DOCK1: variants seen among roughly 807,000 people sequenced by gnomAD.
DOCK1 encodes dedicator of cytokinesis protein 1.
DOCK1 carries 138 observed loss-of-function variants against 262.7 expected under a neutral mutation model. The ratio of observed to expected loss-of-function variants is 0.53; its 90% CI spans 0.46 to 0.61. The LOEUF is 0.61. Ranked by LOEUF, DOCK1 falls within the 20% of genes least tolerant of loss-of-function variation. The pLI is 0.00. For synonymous variants in DOCK1, 866 were observed against 867.4 expected (o/e 1.00, Z 0.03); for missense variants, 1,908 against 2,370.7 (o/e 0.80, Z 4.05).
intron 1 of DOCK1, among the ~76,000 whole-genome samples, chr10:126,916,739 C>CT: frequency 6.6e-6 from 1 of 151,396 alleles, no homozygotes. Context: ...TCCTTCCCTT[C>CT]TTTCTTCCTT....
chr10:127,421,169 T>G lies in DOCK1; in HGVS notation c.4776+1420T>G, dbSNP rs551364398. 2.0e-5 allele frequency among the ~76,000 whole-genome samples: 3 copies of G among 152,224 alleles called. No homozygotes were observed. The South Asian group carries it at 6.2e-4, about 32-fold the overall frequency. ...CCTGACCTCAGGTGATCCGCCCACC[T>G]TGGCCTAAGTGCTGGGATTACAGGC... On this transcript the variant is annotated intron_variant, in intron 46 of 51. Coordinates refer to ENST00000623213, the MANE Select transcript of DOCK1 (RefSeq NM_001290223.2).
chr10:127,038,393 A>G (rs1358290497), intron 19 of DOCK1, among the ~76,000 whole-genome samples: 2 of 152,242 alleles, frequency 1.3e-5, no homozygotes, highest in African/African-American at 4.8e-5. Context: ...GGTCCTCACT[A>G]CAGGACTCAC....
intron 27 of DOCK1, among the ~76,000 whole-genome samples, chr10:127,162,680 C>T (rs1185399216): frequency 1.1e-4 from 16 of 152,182 alleles, no homozygotes; most frequent in Non-Finnish European, 1.8e-4. Flanking sequence ...GGATAATTTT[C>T]AACAAGCCTA....
intron 47 of DOCK1, among the ~76,000 whole-genome samples, chr10:127,431,344 C>G (rs2069274073): frequency 6.6e-6 from 1 of 152,194 alleles, no homozygotes; most frequent in African/African-American, 2.4e-5. Context: ...AACCCATGGT[C>G]GCACCCAGGG....
intron 27 of DOCK1, among the ~76,000 whole-genome samples, chr10:127,216,980 T>G (rs1405708532): frequency 6.6e-6 from 1 of 152,138 alleles, no homozygotes; most frequent in Non-Finnish European, 1.5e-5. Context: ...CATCCTGCCT[T>G]GAGATCAGGG....
At chr10:127,029,340 C>T (rs933621861) in intron 16 of DOCK1, among the ~76,000 whole-genome samples, 2 of 152,224 alleles carry the variant, frequency 1.3e-5, no homozygotes, top group South Asian at 2.1e-4. Flanking sequence ...CATTGGTCCC[C>T]ACTTGCTACC....
At chr10:127,350,617 C>T (rs754022818) in intron 31 of DOCK1, among the ~76,000 whole-genome samples, 22 of 152,214 alleles carry the variant, frequency 1.4e-4, no homozygotes, top group South Asian at 4.1e-4. Context: ...TGTATCTATC[C>T]GTGTTTATCT....
intron 27 of DOCK1, among the ~76,000 whole-genome samples, chr10:127,131,980 T>G (rs1046811795): frequency 6.6e-6 from 1 of 152,222 alleles, no homozygotes; most frequent in Non-Finnish European, 1.5e-5. Flanking sequence ...ATTAATATAC[T>G]TTACTTAATG....
intron 51 of DOCK1, among the ~76,000 whole-genome samples, chr10:127,448,922 A>G (rs1301155531): frequency 6.6e-6 from 1 of 151,470 alleles, no homozygotes; most frequent in Non-Finnish European, 1.5e-5. Context: ...CCCTTATGAG[A>G]GGAGTGGAAG....
chr10:127,429,025 G>GTGTGGATTGGGGTACCA lies in DOCK1; in HGVS notation c.4914+3027_4914+3028insACCATGTGGATTGGGGT, dbSNP rs2069083827. ...GGGATGCCGTGTGGATTGGGGTGCC[G>GTGTGGATTGGGGTACCA]TGTGGATTGGGGTGTCATGTGGATT... On this transcript the variant is annotated intron_variant, in intron 47 of 51. Transcript: ENST00000623213. Among the ~76,000 whole-genome samples, 3 of 145,344 alleles carry GTGTGGATTGGGGTACCA rather than the reference G, an allele frequency of 2.1e-5. No individual in the cohort carries two copies. In the South Asian group the frequency reaches 6.6e-4, roughly 32 times the overall value.
chr10:127,064,932 C>T (rs189529465), intron 23 of DOCK1, among the ~76,000 whole-genome samples: 114 of 152,350 alleles, frequency 7.5e-4, no homozygotes, highest in Middle Eastern at 6.8e-3. Context: ...CACCGGTCCA[C>T]TTTCTGGGTC....
At chr10:127,267,745 A>G (rs1309492139) in intron 29 of DOCK1, among the ~76,000 whole-genome samples, 1 of 152,180 alleles carries the variant, frequency 6.6e-6, no homozygotes, top group African/African-American at 2.4e-5. Flanking sequence ...TGCATGAAAC[A>G]TCTCTCCGCA....
intron 27 of DOCK1, among the ~76,000 whole-genome samples, chr10:127,172,418 G>A (rs1589761530): frequency 6.6e-6 from 1 of 152,180 alleles, no homozygotes; most frequent in East Asian, 1.9e-4. Flanking sequence ...CTGGGACTCT[G>A]TGCTGTACCC....
At chr10:127,360,134 T>C (rs1002159205) in intron 32 of DOCK1, among the ~76,000 whole-genome samples, 2 of 152,200 alleles carry the variant, frequency 1.3e-5, no homozygotes, top group African/African-American at 4.8e-5. Context: ...GCCCCATTTT[T>C]AGAAAGGAGT....
chr10:126,996,417 C>T (rs992580144), intron 6 of DOCK1, among the ~76,000 whole-genome samples: 12 of 143,560 alleles, frequency 8.4e-5, no homozygotes, highest in Non-Finnish European at 1.7e-4. Context: ...TGCCTTAAAA[C>T]TTTTCATATT....
chr10:127,244,909 C>G (rs1226885096), intron 27 of DOCK1, among the ~76,000 whole-genome samples: 1 of 152,116 alleles, frequency 6.6e-6, no homozygotes, highest in East Asian at 1.9e-4. Flanking sequence ...GAGTCATCTC[C>G]CAAATGCATT....
At chr10:126,968,943 T>C (rs566568326) in intron 1 of DOCK1, among the ~76,000 whole-genome samples, 3 of 152,364 alleles carry the variant, frequency 2.0e-5, no homozygotes, top group East Asian at 1.9e-4. Flanking sequence ...CCTGAGGAAA[T>C]AGAATTTTCA....
chr10:127,087,466 C>A (rs1390489113), intron 23 of DOCK1, among the ~76,000 whole-genome samples: 1 of 152,052 alleles, frequency 6.6e-6, no homozygotes, highest in African/African-American at 2.4e-5. Context: ...GTGGACCTAT[C>A]TTGGGGAGAA....
At chr10:127,337,966 C>T (rs1205029305) in intron 29 of DOCK1, among the ~76,000 whole-genome samples, 1 of 152,164 alleles carries the variant, frequency 6.6e-6, no homozygotes, top group Admixed American at 6.5e-5. Context: ...TTTCTTCTTC[C>T]CTCCTCCCTG....
Sources: gnomAD v4.1 joint callset for allele counts (sites outside exome capture counted in the v4.1 genomes callset) on GRCh38, gnomAD v4.1.1 for gene constraint, MANE v1.5 for transcripts, NCBI Gene and HGNC (gene_info 2026-07-23, HGNC 2026-07-21) for gene names.